The following TMEM266 variants were observed in gnomAD, a reference collection of about 807,000 sequenced individuals.
TMEM266 encodes the protein Hv1 related protein 1.
TMEM266 carries 33 observed loss-of-function variants against 50.5 expected under a neutral mutation model. The observed-to-expected ratio is 0.65, with a 90% confidence interval of 0.50 to 0.87. The LOEUF (loss-of-function observed/expected upper bound fraction) is 0.87, where lower values mean the gene tolerates loss of function less well. TMEM266 is among the 40% of genes least tolerant of loss of function. The pLI is 0.00. For synonymous variants in TMEM266, 310 were observed against 292.3 expected (o/e 1.06, Z -0.62); for missense variants, 655 against 695.1 (o/e 0.94, Z 0.65).
chr15:76,137,183 T>G (rs543702318), intron 2 of TMEM266, among the ~76,000 whole-genome samples: 77 of 152,286 alleles, frequency 5.1e-4, no homozygotes, highest in Non-Finnish European at 9.0e-4. Flanking sequence ...CAAGGCCCAC[T>G]AGGTCTCTAC....
chr15:76,125,880 G>A (rs1245960470), intron 1 of TMEM266, among the ~76,000 whole-genome samples: 1 of 150,888 alleles, frequency 6.6e-6, no homozygotes, highest in African/African-American at 2.4e-5. Flanking sequence ...TGGGGGGGAT[G>A]GGGATGGCAA....
rs148680134 is a variant in TMEM266 at position 76,173,127 on chromosome 15, G to A, written c.652+1996G>A. Among the ~76,000 whole-genome samples, 134 of 152,268 alleles carry A rather than the reference G, an allele frequency of 8.8e-4. 1 individual carries two copies. The highest frequency in any genetic ancestry group is 3.0e-3 in the African/African-American group (125 of 41,542). ...TTCAGCAGAGATTTGAGGAGGCAGCGGCATCTTGGGGCGGCCTCTGGACCT... is the reference window on the plus strand; with the variant it reads ...TTCAGCAGAGATTTGAGGAGGCAGCAGCATCTTGGGGCGGCCTCTGGACCT... On this transcript the variant is annotated intron_variant, in intron 7 of 10. Transcript: ENST00000388942.
chr15:76,186,230 G>T (rs1410512378), intron 8 of TMEM266, among the ~76,000 whole-genome samples: 1 of 152,146 alleles, frequency 6.6e-6, no homozygotes, highest in Non-Finnish European at 1.5e-5. Context: ...AGCACAGGAG[G>T]CTCCTTCCCA....
intron 1 of TMEM266, among the ~76,000 whole-genome samples, chr15:76,123,331 C>T (rs954295691): frequency 6.6e-6 from 1 of 152,184 alleles, no homozygotes; most frequent in Non-Finnish European, 1.5e-5. Context: ...ACAAGAAATA[C>T]AACCTTCTCC....
intron 8 of TMEM266, among the ~76,000 whole-genome samples, chr15:76,184,993 C>T (rs770636419): frequency 2.6e-5 from 4 of 152,184 alleles, no homozygotes; most frequent in Non-Finnish European, 5.9e-5. Flanking sequence ...AGCCACTGTG[C>T]ACCTTCTTTT....
chr15:76,100,707 G>T (rs776838100), intron 1 of TMEM266, among the ~76,000 whole-genome samples: 2 of 152,158 alleles, frequency 1.3e-5, no homozygotes, highest in African/African-American at 4.8e-5. Context: ...CAGTCATTTC[G>T]CTGCCCCTGG....
chr15:76,129,374 G>C (rs113928892), intron 1 of TMEM266, among the ~76,000 whole-genome samples: 1,865 of 152,278 alleles, frequency 0.012, 39 homozygotes, highest in African/African-American at 0.043. Flanking sequence ...AGGTGCATTG[G>C]CTCACACCTG....
intron 3 of TMEM266, among the ~76,000 whole-genome samples, chr15:76,151,256 C>G (rs2037838995): frequency 1.3e-5 from 2 of 152,160 alleles, no homozygotes; most frequent in Admixed American, 1.3e-4. Flanking sequence ...CCCCTTTGGC[C>G]CACTAAGCCC....
chr15:76,079,651 G>T (rs2036656064), intron 1 of TMEM266, among the ~76,000 whole-genome samples: 1 of 150,888 alleles, frequency 6.6e-6, no homozygotes, highest in Non-Finnish European at 1.5e-5. Flanking sequence ...AGCCAGGCTT[G>T]GTGGTGTGTG....
intron 8 of TMEM266, among the ~76,000 whole-genome samples, chr15:76,191,110 T>C (rs2142081109): frequency 6.6e-6 from 1 of 152,244 alleles, no homozygotes. Flanking sequence ...CAACAGAAAG[T>C]AAAACAAAAT....
At chr15:76,132,946 G>A (rs1265478917) in intron 1 of TMEM266, among the ~76,000 whole-genome samples, 2 of 150,138 alleles carry the variant, frequency 1.3e-5, no homozygotes, top group Non-Finnish European at 3.0e-5. Flanking sequence ...ACCAGCCTGG[G>A]CAACATAGCA....
chr15:76,115,106 A>AT (rs903393311), intron 1 of TMEM266, among the ~76,000 whole-genome samples: 3 of 152,092 alleles, frequency 2.0e-5, no homozygotes, highest in African/African-American at 4.8e-5. Flanking sequence ...CCCCACCTCT[A>AT]TTTTTTTAAA....
At chr15:76,082,998 C>T (rs2036718194) in intron 1 of TMEM266, among the ~76,000 whole-genome samples, 1 of 145,356 alleles carries the variant, frequency 6.9e-6, no homozygotes, top group Admixed American at 6.8e-5. Context: ...CAACAACAAC[C>T]AGCTGTGGCA....
chr15:76,195,864 T>C (rs1317543284), intron 9 of TMEM266, among the ~76,000 whole-genome samples: 1 of 152,060 alleles, frequency 6.6e-6, no homozygotes, highest in African/African-American at 2.4e-5. Context: ...GGCTTGGAGG[T>C]TCCACAAAGA....
At chr15:76,159,152 C>T (rs1256062868) in intron 4 of TMEM266, among the ~76,000 whole-genome samples, 7 of 152,202 alleles carry the variant, frequency 4.6e-5, no homozygotes, top group Admixed American at 4.6e-4. Flanking sequence ...CAGGGTATCC[C>T]ACCAGTATTT....
chr15:76,175,795 G>A, intron 8 of TMEM266, 121 bp downstream of exon 8: 1 of 736,006 alleles, frequency 1.4e-6, no homozygotes. Context: ...CCAGCCCCTT[G>A]TTGGACTCAT....
intron 1 of TMEM266, among the ~76,000 whole-genome samples, chr15:76,081,273 T>C (rs2036690470): frequency 6.6e-6 from 1 of 152,236 alleles, no homozygotes; most frequent in African/African-American, 2.4e-5. Flanking sequence ...TAGCTTAACC[T>C]GTGATGCACT....
chr15:76,107,740 G>A lies in TMEM266; in HGVS notation c.-96-26428G>A, dbSNP rs1208491212. Among the ~76,000 whole-genome samples, 4 of 152,256 alleles carry A rather than the reference G, an allele frequency of 2.6e-5. No homozygotes were observed. In the East Asian group the frequency reaches 5.8e-4, roughly 22 times the overall value. Reference sequence around the variant, plus strand: ...ATATAGTATTTGAATGAATTAATCTGATCTCACATTACAGATGTGGAAACT... The same window carrying A: ...ATATAGTATTTGAATGAATTAATCTAATCTCACATTACAGATGTGGAAACT... On this transcript the variant is annotated intron_variant, in intron 1 of 10. Coordinates refer to ENST00000388942, the MANE Select transcript of TMEM266 (RefSeq NM_152335.3).
intron 1 of TMEM266, among the ~76,000 whole-genome samples, chr15:76,121,411 G>A (rs2037343646): frequency 6.6e-6 from 1 of 151,752 alleles, no homozygotes; most frequent in Non-Finnish European, 1.5e-5. Context: ...GCCTTTCTTG[G>A]TGTTCTTTTT....
Sources: allele counts gnomAD v4.1 joint callset (sites outside exome capture counted in the v4.1 genomes callset), GRCh38; gene constraint gnomAD v4.1.1; transcripts MANE v1.5; gene names NCBI Gene and HGNC (gene_info 2026-07-23, HGNC 2026-07-21).